The following CHRNA10 variants were observed in gnomAD, a reference collection of about 807,000 sequenced individuals.
CHRNA10 encodes the protein neuronal acetylcholine receptor subunit alpha-10.
In CHRNA10, 31 loss-of-function variants were observed where a neutral mutation model predicts 36.0. That is an observed-to-expected ratio of 0.86 (90% CI 0.65 to 1.16). The LOEUF (loss-of-function observed/expected upper bound fraction) is 1.16. Among genes scored for constraint, CHRNA10 ranks in the 50% most tolerant of loss-of-function variants. The probability of loss-of-function intolerance (pLI) is 0.00; values close to 1 mark genes in which losing one functional copy is unlikely to be tolerated. For synonymous variants in CHRNA10, 302 were observed against 287.0 expected, an observed-to-expected ratio of 1.05 and a Z score of -0.53; for missense variants, 648 against 640.9, an observed-to-expected ratio of 1.01 and a Z score of -0.12.
Position 3,669,181 on chromosome 11 carries a change from C to A in CHRNA10, c.362+15G>T. 1 of 1,607,890 alleles carries A rather than the reference C, an allele frequency of 6.2e-7. No individual in the cohort carries two copies. The highest frequency in any genetic ancestry group is 1.1e-5 in the South Asian group (1 of 89,832). ...GAGAGGGGTAAGAGAGAGGAGGGGC[C>A]CAGATAGGCAGTACTTGTTATAGAG... On this transcript the variant is annotated intron_variant, in intron 3 of 4. Transcript: ENST00000250699.
Position 3,667,644 on chromosome 11 carries a change from G to C in CHRNA10, c.483C>G (p.Phe161Leu). 1 of 1,559,736 alleles carries C rather than the reference G, an allele frequency of 6.4e-7. No individual in the cohort carries two copies. The highest frequency in any genetic ancestry group is 1.4e-5 in the African/African-American group (1 of 73,826). The change falls in exon 4 of 5, where the codon TTC becomes TTG. Residue 161 changes from phenylalanine (F) to leucine (L), a missense_variant. Phe to Leu is a conservative substitution (Grantham distance 22). Transcript: ENST00000250699. ...RSSCRVDVAAFPFDAQHCGLT... is the reference protein window; with the variant it reads ...RSSCRVDVAALPFDAQHCGLT... ...GGCCGCAGTGCTGGGCGTCGAACGGGAAGGCTGCTACATCCACGCGGCACG... is the reference window on the plus strand; with the variant it reads ...GGCCGCAGTGCTGGGCGTCGAACGGCAAGGCTGCTACATCCACGCGGCACG...
At position 3,666,255 on chromosome 11, in the gene CHRNA10, A is replaced by G. The variant is rs2077659015; in HGVS notation, c.1205T>C (p.Ile402Thr). The G allele has an allele frequency of 1.2e-6, 2 of 1,614,012 alleles. No homozygotes were observed. Residue 402 changes from isoleucine (I) to threonine (T), a missense_variant, in exon 5 of 5, where the codon ATT (isoleucine) becomes ACT (threonine). Ile to Thr is a moderately conservative substitution (Grantham distance 89). Coordinates refer to ENST00000250699, the MANE Select transcript of CHRNA10 (RefSeq NM_020402.4). ...TCGGTGGCTGCGGAAGGTATTGGCAATGGTGGCTACGTGGTGCAGTAGGGC... is the reference window on the plus strand; with the variant it reads ...TCGGTGGCTGCGGAAGGTATTGGCAGTGGTGGCTACGTGGTGCAGTAGGGC... ...QEALLHHVAT[I>T]ANTFRSHRAA...
Position 3,667,715 on chromosome 11 carries a change from G to T in CHRNA10, c.412C>A (p.His138Asn). The stretch of plus-strand genomic sequence containing the variant: ...GCGTCCCAGCGCACGGCGCCATCGT[G>T]GCGCAGGACCACGTTGGTGCTGGCG... ...GSASTNVVLR[H>N]DGAVRWDAPA... Residue 138 changes from histidine (H) to asparagine (N), a missense_variant, in exon 4 of 5, where the codon CAC becomes AAC. By Grantham distance (68) the His-to-Asn change is moderately conservative. Coordinates refer to ENST00000250699, the MANE Select transcript of CHRNA10 (RefSeq NM_020402.4). 6.4e-7 allele frequency: 1 copy of T among 1,574,024 alleles called. No homozygotes were observed. The highest frequency in any genetic ancestry group is 8.6e-7 in the Non-Finnish European group (1 of 1,167,538).
Position 3,665,959 on chromosome 11 carries a change from CTTGTGGA to C in CHRNA10, c.*141_*147del. 1 of 657,182 alleles carries C rather than the reference CTTGTGGA, an allele frequency of 1.5e-6. No individual in the cohort carries two copies. Among genetic ancestry groups the C allele is most frequent in the East Asian group, 2.8e-5 (1 of 35,486 alleles). The allele number at this position is 657,182 out of a possible 1,614,324, so 40.7% of individuals were successfully genotyped here. A position where few individuals can be genotyped will look rare whatever the true frequency, so the allele number is the denominator to read the frequency against. On this transcript the variant is annotated 3_prime_UTR_variant, in exon 5 of 5. Transcript: ENST00000250699. ...AGGGTGTGTAGACAATGAGTGCTCCCTTGTGGATTGTGAAGTCAAGTGTCTCAGGATC... is the reference window on the plus strand; with the variant it reads ...AGGGTGTGTAGACAATGAGTGCTCCCTTGTGAAGTCAAGTGTCTCAGGATC...
chr11:3,670,984 T>C (rs2077709395), intron 1 of CHRNA10: 1 of 533,370 alleles, frequency 1.9e-6, no homozygotes, highest in Admixed American at 3.2e-5. Flanking sequence ...AGACCTGGCC[T>C]GGCCGGCAGG....
At position 3,669,182 on chromosome 11, in the gene CHRNA10, C is replaced by T. The variant is rs770781510; in HGVS notation, c.362+14G>A. The T allele has an allele frequency of 2.1e-5, 34 of 1,608,336 alleles. No homozygotes were observed. Among genetic ancestry groups the T allele is most frequent in the Middle Eastern group, 3.3e-4 (2 of 6,028 alleles). On this transcript the variant is annotated intron_variant, in intron 3 of 4. Coordinates refer to ENST00000250699, the MANE Select transcript of CHRNA10 (RefSeq NM_020402.4). Reference sequence around the variant, plus strand: ...AGAGGGGTAAGAGAGAGGAGGGGCCCAGATAGGCAGTACTTGTTATAGAGT... The same window carrying T: ...AGAGGGGTAAGAGAGAGGAGGGGCCTAGATAGGCAGTACTTGTTATAGAGT...
intron 4 of CHRNA10, 79 bp from the exon 5 acceptor site, chr11:3,666,643 T>C (rs2077664806): frequency 1.8e-6 from 2 of 1,123,524 alleles, no homozygotes; most frequent in Admixed American, 5.8e-5. Flanking sequence ...TCTGCACAAA[T>C]GGAAATAAGC....
At chr11:3,671,009 G>A (rs1021514429) in intron 1 of CHRNA10, 5 of 568,576 alleles carry the variant, frequency 8.8e-6, no homozygotes, top group South Asian at 4.2e-5. Flanking sequence ...TCAACATCTG[G>A]CCCCTCTGAT....
intron 3 of CHRNA10, 65 bp downstream of exon 3, chr11:3,669,131 A>G: frequency 6.5e-7 from 1 of 1,535,580 alleles, no homozygotes. Flanking sequence ...GGATCACTAC[A>G]CCCCCACAGC....
chr11:3,670,069 C>G (rs2077703018), intron 1 of CHRNA10, 128 bp from the exon 2 acceptor site: 1 of 1,021,896 alleles, frequency 9.8e-7, no homozygotes, highest in Non-Finnish European at 1.4e-6. Context: ...TTCTCTTGCT[C>G]TAGCTGTGGC....
chr11:3,670,989 G>T (rs1013259947), intron 1 of CHRNA10: 1 of 539,650 alleles, frequency 1.9e-6, no homozygotes, highest in East Asian at 3.2e-5. Context: ...TGGCCTGGCC[G>T]GCAGGCCCTT....
rs1392303028 is a variant in CHRNA10 at position 3,665,949 on chromosome 11, T to C, written c.*158A>G. ...TCCTTTAGTTAGGGTGTGTAGACAA[T>C]GAGTGCTCCCTTGTGGATTGTGAAG... On this transcript the variant is annotated 3_prime_UTR_variant, in exon 5 of 5. Transcript: ENST00000250699. 4 of 594,158 alleles carry C rather than the reference T, an allele frequency of 6.7e-6. No individual in the cohort carries two copies. In the East Asian group the frequency reaches 1.2e-4, roughly 17 times the overall value. The allele number at this position is 594,158 out of a possible 1,614,324, so 36.8% of individuals were successfully genotyped here.
intron 2 of CHRNA10, 69 bp downstream of exon 2, chr11:3,669,727 C>G: frequency 1.3e-6 from 2 of 1,555,436 alleles, no homozygotes; most frequent in Non-Finnish European, 1.8e-6. Context: ...TAATCCCAGT[C>G]TCTCACCCCT....
rs1017921550 is a variant in CHRNA10 at position 3,667,685 on chromosome 11, C to T, written c.442G>A (p.Ala148Thr). The part of the protein sequence containing the change: ...HDGAVRWDAP[A>T]ITRSSCRVDV... Reference sequence around the variant, plus strand: ...ACGCGGCACGAGCTGCGCGTGATGGCCGGCGCGTCCCAGCGCACGGCGCCA... The same window carrying T: ...ACGCGGCACGAGCTGCGCGTGATGGTCGGCGCGTCCCAGCGCACGGCGCCA... The change falls in exon 4 of 5, where the codon GCC (alanine) becomes ACC (threonine). Residue 148 changes from alanine (A) to threonine (T), a missense_variant. By Grantham distance (58) the Ala-to-Thr change is moderately conservative. Coordinates refer to ENST00000250699, the MANE Select transcript of CHRNA10 (RefSeq NM_020402.4). 5 of 1,569,054 alleles carry T rather than the reference C, an allele frequency of 3.2e-6. No individual in the cohort carries two copies. The highest frequency in any genetic ancestry group is 3.4e-6 in the Non-Finnish European group (4 of 1,163,620).
rs774382849 is a variant in CHRNA10 at position 3,667,665 on chromosome 11, G to A, written c.462C>T (p.Cys154=). The A allele has an allele frequency of 8.3e-6, 13 of 1,562,300 alleles. No individual in the cohort carries two copies. The highest frequency in any genetic ancestry group is 6.9e-5 in the South Asian group (6 of 86,790). ...ACGGGAAGGCTGCTACATCCACGCG[G>A]CACGAGCTGCGCGTGATGGCCGGCG... ...WDAPAITRSS[C]RVDVAAFPFD... is the part of the protein sequence containing the mutation. Residue 154 remains cysteine, a synonymous_variant, in exon 4 of 5, where the codon TGC becomes TGT. Transcript: ENST00000250699.
chr11:3,667,422 G>A lies in CHRNA10; in HGVS notation c.705C>T (p.Arg235=), dbSNP rs148870170. The change falls in exon 4 of 5, where the codon CGC becomes CGT. Residue 235 remains arginine (R), a synonymous_variant. Coordinates refer to ENST00000250699, the MANE Select transcript of CHRNA10 (RefSeq NM_020402.4). ...DVTFTLLLRR[R]AAAYVCNLLL... ...GCAGGTTGCACACGTAGGCGGCGGC[G>A]CGGCGGCGCAGCAGCAGCGTGAAGG... The A allele has an allele frequency of 5.6e-6, 9 of 1,597,074 alleles. No individual in the cohort carries two copies. In the African/African-American group the frequency reaches 8.0e-5, roughly 14 times the overall value.
At chr11:3,669,105 A>ATG in intron 3 of CHRNA10, 91 bp downstream of exon 3, 1 of 1,416,704 alleles carries the variant, frequency 7.1e-7, no homozygotes, top group African/African-American at 1.4e-5. Context: ...CAACCAGGTT[A>ATG]TGTGGTAGGG....
At chr11:3,670,803 T>A (rs566272593) in intron 1 of CHRNA10, among the ~76,000 whole-genome samples, 9 of 152,272 alleles carry the variant, frequency 5.9e-5, no homozygotes, top group African/African-American at 1.9e-4. Flanking sequence ...TCGTCTTGAG[T>A]CTACCCTCTC....
chr11:3,667,586 G>A lies in CHRNA10; in HGVS notation c.541C>T (p.Gln181Ter), dbSNP rs1202992416. 2 of 1,555,924 alleles carry A rather than the reference G, an allele frequency of 1.3e-6. No homozygotes were observed. The highest frequency in any genetic ancestry group is 2.7e-5 in the African/African-American group (2 of 73,692). ...GCGCCGCGCGGCCGCACATCCAGTT[G>A]GTGCCCGCCGTGAGTCCAGGAGCCG... is the stretch of plus-strand genomic sequence containing the variant. ...TFGSWTHGGH[Q>*]LDVRPRGAAA... is the part of the protein sequence containing the mutation. The change falls in exon 4 of 5, where the codon CAA (glutamine) becomes TAA (stop). Residue 181 changes from glutamine to a stop codon, truncating the protein, a stop_gained. Transcript: ENST00000250699. LOFTEE classifies it high-confidence loss of function.
Sources: allele counts gnomAD v4.1 joint callset (sites outside exome capture counted in the v4.1 genomes callset), GRCh38; gene constraint gnomAD v4.1.1; transcripts MANE v1.5; gene names NCBI Gene and HGNC (gene_info 2026-07-23, HGNC 2026-07-21).